The following EPHX3 variants were observed in gnomAD, a reference collection of about 807,000 sequenced individuals.
EPHX3 encodes the protein epoxide hydrolase 3.
Under a neutral mutation model 40.2 loss-of-function variants are expected in EPHX3, and 39 were observed. The ratio of observed to expected loss-of-function variants is 0.97; its 90% CI spans 0.75 to 1.27. The LOEUF (loss-of-function observed/expected upper bound fraction) is 1.27. Ranked by LOEUF, EPHX3 falls within the 50% of genes most tolerant of loss-of-function variation. The pLI is 0.00. For synonymous variants in EPHX3, 213 were observed against 209.7 expected (o/e 1.02, Z -0.14); for missense variants, 442 against 474.0 (o/e 0.93, Z 0.63).
In EPHX3 at chr19:15,227,464, C is replaced by T. The variant is rs764166880; in HGVS notation, c.1056G>A (p.Trp352Ter). The change falls in exon 7 of 7, where the codon TGG becomes TGA. Residue 352 changes from tryptophan (W) to a stop codon, truncating the protein, a stop_gained. Transcript: ENST00000221730. LOFTEE classifies it high-confidence loss of function. ...AGTCCAGCAGGTCTTGCAAGAAGGC[C>T]CACATGTACTGGTGCATCTCCTGGG... ...SNPQEMHQYM[W>*]AFLQDLLD 1 of 1,614,018 alleles carries T rather than the reference C, an allele frequency of 6.2e-7. No individual in the cohort carries two copies. The highest frequency in any genetic ancestry group is 8.5e-7 in the Non-Finnish European group (1 of 1,180,030).
rs368660141 is a variant in EPHX3 at position 15,231,006 on chromosome 19, T to C, written c.572A>G (p.Glu191Gly). ...HFSIYYPSLV[E>G]RMVVVSGAPM... ...GGCACCACTGACCACAACCATCCGC[T>C]CGACCAGGGATGGGTAGTAGATGGA... Residue 191 changes from glutamate (E) to glycine (G), a missense_variant, in exon 4 of 7, where the codon GAG becomes GGG. Glu to Gly is a moderately conservative substitution (Grantham distance 98). Coordinates refer to ENST00000221730, the MANE Select transcript of EPHX3 (RefSeq NM_024794.3). 1.9e-6 allele frequency: 3 copies of C among 1,613,792 alleles called. No individual in the cohort carries two copies. The highest frequency in any genetic ancestry group is 2.5e-6 in the Non-Finnish European group (3 of 1,180,004).
At chr19:15,231,532 C>A (rs2047154394) in intron 2 of EPHX3, 136 bp from the exon 3 acceptor site, 1 of 1,215,202 alleles carries the variant, frequency 8.2e-7, no homozygotes, top group East Asian at 2.5e-5. Context: ...GAATCCCAGG[C>A]AGAGGCAGAG....
At chr19:15,233,644 C>T (rs562726416), upstream of EPHX3, among the ~76,000 whole-genome samples, 8 of 152,340 alleles carry the variant, frequency 5.3e-5, no homozygotes, top group South Asian at 1.4e-3. Flanking sequence ...GGCCTGGTTC[C>T]CCCGAGGAGG....
chr19:15,227,342 G>T lies in EPHX3; in HGVS notation c.*95C>A. 1 of 1,027,496 alleles carries T rather than the reference G, an allele frequency of 9.7e-7. No individual in the cohort carries two copies. The highest frequency in any genetic ancestry group is 1.5e-6 in the Non-Finnish European group (1 of 672,258). 63.6% of individuals were successfully genotyped at this position (1,027,496 alleles called of 1,614,324 possible). A position where few individuals can be genotyped will look rare whatever the true frequency, so the allele number is the denominator to read the frequency against. ...ATGAGCGATTCAAGAGTTCACCCAT[G>T]TATGGACATTGTATGGACTCCCAGG... On this transcript the variant is annotated 3_prime_UTR_variant, in exon 7 of 7. Coordinates refer to ENST00000221730, the MANE Select transcript of EPHX3 (RefSeq NM_024794.3).
Position 15,228,099 on chromosome 19 carries a change from G to A in EPHX3, c.618C>T (p.Asp206=). 1 of 1,061,858 alleles carries A rather than the reference G, an allele frequency of 9.4e-7. No individual in the cohort carries two copies. The highest frequency in any genetic ancestry group is 1.4e-6 in the Non-Finnish European group (1 of 707,402). 65.8% of individuals were successfully genotyped at this position (1,061,858 alleles called of 1,614,324 possible). ...ACTGGCTGATGTGGTGCAGGGAATA[G>A]TCTGGGGTGGGAGGGTTGGGGGAGA... The part of the protein sequence containing the change: ...VSGAPMSVYQ[D]YSLHHISQFF... Residue 206 remains aspartate, a splice_region_variant and synonymous_variant, in exon 5 of 7, where the codon GAC becomes GAT. Coordinates refer to ENST00000221730, the MANE Select transcript of EPHX3 (RefSeq NM_024794.3).
rs1395572133 is a variant in EPHX3 at position 15,232,155 on chromosome 19, C to T, written c.57G>A (p.Leu19=). The T allele has an allele frequency of 6.5e-7, 1 of 1,530,120 alleles. No homozygotes were observed. The highest frequency in any genetic ancestry group is 2.0e-5 in the Admixed American group (1 of 50,450). 94.8% of individuals were successfully genotyped at this position (1,530,120 alleles called of 1,614,324 possible). ...CCAGGCTCCACATGAAGGCGCGCAGCAGCTTCAGCGACAGGCGCGACGGCG... is the reference window on the plus strand; with the variant it reads ...CCAGGCTCCACATGAAGGCGCGCAGTAGCTTCAGCGACAGGCGCGACGGCG... ...LLAPSRLSLK[L]LRAFMWSLVF... The change falls in exon 1 of 7, where the codon CTG becomes CTA. Residue 19 remains leucine, a synonymous_variant. Transcript: ENST00000221730.
intron 4 of EPHX3, among the ~76,000 whole-genome samples, chr19:15,228,383 T>G (rs1599418567): frequency 6.6e-6 from 1 of 152,256 alleles, no homozygotes; most frequent in East Asian, 1.9e-4. Flanking sequence ...TCTGCTTTAT[T>G]CAGCTAACAT....
In EPHX3 at chr19:15,231,406, G is replaced by T; in HGVS notation, c.330-10C>A. 2 of 1,612,652 alleles carry T rather than the reference G, an allele frequency of 1.2e-6. No homozygotes were observed. ...GTAACGCCAGGAGAACCTGCCAGGC[G>T]GGCGAGGGAGGGAGGCTGAGTCAGG... On this transcript the variant is annotated splice_polypyrimidine_tract_variant and intron_variant, in intron 2 of 6. Coordinates refer to ENST00000221730, the MANE Select transcript of EPHX3 (RefSeq NM_024794.3).
chr19:15,232,765 T>C (rs2145486889), upstream of EPHX3, among the ~76,000 whole-genome samples: 1 of 151,886 alleles, frequency 6.6e-6, no homozygotes, highest in East Asian at 1.9e-4. Context: ...TAGTCCCAGC[T>C]ACTTGGGAGG....
At position 15,227,227 on chromosome 19, in the gene EPHX3, A is replaced by G. The variant is rs1015869626; in HGVS notation, c.*210T>C. 6.8e-6 allele frequency: 4 copies of G among 585,376 alleles called. No individual in the cohort carries two copies. The African/African-American group carries it at 7.5e-5, about 11-fold the overall frequency. 36.3% of individuals were successfully genotyped at this position (585,376 alleles called of 1,614,324 possible). On this transcript the variant is annotated 3_prime_UTR_variant, in exon 7 of 7. Transcript: ENST00000221730. ...GGGTCAAAGTGTTTGTTACACACACATGCATCCATGCCTGTGTGTGAGTAT... is the reference window on the plus strand; with the variant it reads ...GGGTCAAAGTGTTTGTTACACACACGTGCATCCATGCCTGTGTGTGAGTAT...
In EPHX3 at chr19:15,231,351, A is replaced by G; in HGVS notation, c.375T>C (p.His125=). The G allele has an allele frequency of 6.2e-7, 1 of 1,613,802 alleles. No homozygotes were observed. Among genetic ancestry groups the G allele is most frequent in the South Asian group, 1.1e-5 (1 of 91,080 alleles). The change falls in exon 3 of 7, where the codon CAT becomes CAC. Residue 125 remains histidine (H), a synonymous_variant. Transcript: ENST00000221730. ...YQLREFQSRF[H]VVAVDLRGYG... ...AGCCTCGCAAGTCCACAGCCACAACATGGAAGCGGCTCTGGAACTCCCGGA... is the reference window on the plus strand; with the variant it reads ...AGCCTCGCAAGTCCACAGCCACAACGTGGAAGCGGCTCTGGAACTCCCGGA...
At position 15,232,102 on chromosome 19, in the gene EPHX3, G is replaced by C. The variant is rs1320019921; in HGVS notation, c.110C>G (p.Ala37Gly). 1.3e-6 allele frequency: 2 copies of C among 1,515,414 alleles called. No homozygotes were observed. The highest frequency in any genetic ancestry group is 1.8e-6 in the Non-Finnish European group (2 of 1,138,932). The allele number at this position is 1,515,414 out of a possible 1,614,324, so 93.9% of individuals were successfully genotyped here. ...LVFSVALVAA[A>G]VYGCIALTHV... ...CGTGAGCGCTATGCAGCCGTAGACCGCCGCGGCCACCAGCGCCACCGAGAA... is the reference window on the plus strand; with the variant it reads ...CGTGAGCGCTATGCAGCCGTAGACCCCCGCGGCCACCAGCGCCACCGAGAA... The change falls in exon 1 of 7, where the codon GCG (alanine) becomes GGG (glycine). Residue 37 changes from alanine (A) to glycine (G), a missense_variant. Physicochemically the swap from Ala to Gly is moderately conservative, Grantham distance 60. Coordinates refer to ENST00000221730, the MANE Select transcript of EPHX3 (RefSeq NM_024794.3).
chr19:15,227,686 GCAGA>G (rs751626465), intron 6 of EPHX3, 24 bp from the exon 7 acceptor site: 13 of 1,611,826 alleles, frequency 8.1e-6, no homozygotes, highest in Non-Finnish European at 1.1e-5. Flanking sequence ...AGACAGACAG[GCAGA>G]CAGACAGGCA....
upstream of EPHX3, chr19:15,236,435 TAAATG>T (rs2047192399): frequency 6.7e-6 from 1 of 148,428 alleles, no homozygotes; most frequent in Non-Finnish European, 1.5e-5. Flanking sequence ...ACCCTGAGCT[TAAATG>T]AAAGGAGGAG....
Position 15,231,080 on chromosome 19 carries a change from C to T in EPHX3, c.498G>A (p.Lys166=), listed in dbSNP as rs1261210638. The T allele has an allele frequency of 3.1e-6, 5 of 1,613,934 alleles. No homozygotes were observed. The African/African-American group carries it at 5.3e-5, about 17-fold the overall frequency. ...CCCAGTCATGGGCCACAAGGATGCACTTCGAGTAACCTGTGGGAATTCAAG... is the reference window on the plus strand; with the variant it reads ...CCCAGTCATGGGCCACAAGGATGCATTTCGAGTAACCTGTGGGAATTCAAG... ...KDVILGLGYS[K]CILVAHDWGA... Residue 166 remains lysine, a synonymous_variant, in exon 4 of 7, where the codon AAG becomes AAA. Coordinates refer to ENST00000221730, the MANE Select transcript of EPHX3 (RefSeq NM_024794.3).
rs763157519 is a variant in EPHX3 at position 15,231,029 on chromosome 19, G to A, written c.549C>T (p.Ser183=). The A allele has an allele frequency of 2.5e-6, 4 of 1,614,134 alleles. No individual in the cohort carries two copies. In the South Asian group the frequency reaches 3.3e-5, roughly 13 times the overall value. The change falls in exon 4 of 7, where the codon TCC becomes TCT. Residue 183 remains serine, a synonymous_variant. Transcript: ENST00000221730. ...GCTCGACCAGGGATGGGTAGTAGATGGAGAAATGCCAGGCAAGGAGGGCAC... is the reference window on the plus strand; with the variant it reads ...GCTCGACCAGGGATGGGTAGTAGATAGAGAAATGCCAGGCAAGGAGGGCAC... The part of the protein sequence containing the change: ...DWGALLAWHF[S]IYYPSLVERM...
upstream of EPHX3, chr19:15,235,587 C>T (rs1454306068): frequency 5.9e-5 from 9 of 151,296 alleles, no homozygotes; most frequent in East Asian, 1.2e-3. Flanking sequence ...AAAAACCTTT[C>T]GTATGTAAGT....
At position 15,227,652 on chromosome 19, in the gene EPHX3, G is replaced by C; in HGVS notation, c.868C>G (p.Leu290Val). The C allele has an allele frequency of 3.7e-6, 6 of 1,614,012 alleles. No individual in the cohort carries two copies. The highest frequency in any genetic ancestry group is 5.1e-6 in the Non-Finnish European group (6 of 1,179,984). The change falls in exon 7 of 7, where the codon CTG becomes GTG. Residue 290 changes from leucine (L) to valine (V), a missense_variant. Physicochemically the swap from Leu to Val is conservative, Grantham distance 32. Coordinates refer to ENST00000221730, the MANE Select transcript of EPHX3 (RefSeq NM_024794.3). The stretch of plus-strand genomic sequence containing the variant: ...GGTGTGGTCAGCTCCTGGGGTTCCA[G>C]GGGGAAGTTCCTGTGGCCAGGACAG... Reference protein sequence around the residue: ...YYRNLFRNFPLEPQELTTPTL... With the variant: ...YYRNLFRNFPVEPQELTTPTL...
At position 15,232,149 on chromosome 19, in the gene EPHX3, G is replaced by C. The variant is rs574195642; in HGVS notation, c.63C>G (p.Arg21=). Residue 21 remains arginine (R), a synonymous_variant, in exon 1 of 7, where the codon CGC becomes CGG. Coordinates refer to ENST00000221730, the MANE Select transcript of EPHX3 (RefSeq NM_024794.3). ...APSRLSLKLL[R]AFMWSLVFSV... ...AGAACACCAGGCTCCACATGAAGGC[G>C]CGCAGCAGCTTCAGCGACAGGCGCG... The C allele has an allele frequency of 1.3e-6, 2 of 1,532,394 alleles. No homozygotes were observed. Among genetic ancestry groups the C allele is most frequent in the South Asian group, 2.4e-5 (2 of 83,734 alleles). The allele number at this position is 1,532,394 out of a possible 1,614,324, so 94.9% of individuals were successfully genotyped here.
Sources: gnomAD v4.1 joint callset for allele counts (sites outside exome capture counted in the v4.1 genomes callset) on GRCh38, gnomAD v4.1.1 for gene constraint, MANE v1.5 for transcripts, NCBI Gene and HGNC (gene_info 2026-07-23, HGNC 2026-07-21) for gene names.